The following EBF2 variants were observed in gnomAD, a reference collection of about 807,000 sequenced individuals.
EBF2 encodes EBF transcription factor 2, also known as transcription factor COE2.
EBF2 carries 21 observed loss-of-function variants against 72.8 expected under a neutral mutation model. That is an observed-to-expected ratio of 0.29 (90% CI 0.20 to 0.42). The LOEUF is 0.42. Among genes scored for constraint, EBF2 ranks in the 10% least tolerant of loss-of-function variants. The probability of loss-of-function intolerance (pLI) is 1.00; values close to 1 mark genes in which losing one functional copy is unlikely to be tolerated. For missense variants in EBF2, 637 were observed against 731.2 expected (o/e 0.87, Z 1.49); for synonymous variants, 299 against 274.2 (o/e 1.09, Z -0.89).
rs1170247823 is a variant in EBF2 at position 25,973,972 on chromosome 8, C to G, written c.551+59113G>C. On this transcript the variant is annotated intron_variant, in intron 6 of 15. Transcript: ENST00000520164. Reference sequence around the variant, plus strand: ...GGATTACAGGTGTGAGCCACCACACCCAGCCTAAGCTTTTCATTTCTATTA... The same window carrying G: ...GGATTACAGGTGTGAGCCACCACACGCAGCCTAAGCTTTTCATTTCTATTA... Among the ~76,000 whole-genome samples the G allele has an allele frequency of 2.0e-5, 3 of 152,184 alleles. No homozygotes were observed. The East Asian group carries it at 5.8e-4, about 29-fold the overall frequency.
Position 25,923,581 on chromosome 8 carries a change from T to G in EBF2, c.552-15026A>C, listed in dbSNP as rs1400906208. 2.0e-5 allele frequency among the ~76,000 whole-genome samples: 3 copies of G among 148,542 alleles called. No homozygotes were observed. In the East Asian group the frequency reaches 5.8e-4, roughly 29 times the overall value. The stretch of plus-strand genomic sequence containing the variant: ...AGTGATAAGCCTGCTTCAAGTTTTG[T>G]TTTTTTTGTTGTTGTTTGTTTTGCA... On this transcript the variant is annotated intron_variant, in intron 6 of 15. Coordinates refer to ENST00000520164, the MANE Select transcript of EBF2 (RefSeq NM_022659.4).
chr8:25,973,674 T>C (rs1182894415), intron 6 of EBF2, among the ~76,000 whole-genome samples: 1 of 152,300 alleles, frequency 6.6e-6, no homozygotes, highest in African/African-American at 2.4e-5. Flanking sequence ...GTTTTTCTTT[T>C]GTTTTTCTTT....
rs1042460429 is a variant in EBF2, at chr8:25,887,928, T to C, written c.796A>G (p.Thr266Ala). The C allele has an allele frequency of 6.2e-7, 1 of 1,613,662 alleles. No homozygotes were observed. The highest frequency in any genetic ancestry group is 1.7e-5 in the Admixed American group (1 of 59,938). Residue 266 changes from threonine to alanine, a missense_variant, in exon 9 of 16, where the codon ACA becomes GCA. Transcript: ENST00000520164. The part of the protein sequence containing the change: ...KAISPSEGWT[T>A]GGAMVIIIGD... Reference sequence around the variant, plus strand: ...ATGATGATGACCATGGCTCCTCCTGTGGTCCAGCCTTCACTCGGGCTAATG... The same window carrying C: ...ATGATGATGACCATGGCTCCTCCTGCGGTCCAGCCTTCACTCGGGCTAATG...
Position 25,916,883 on chromosome 8 carries a change from C to T in EBF2, c.552-8328G>A, listed in dbSNP as rs184376032. On this transcript the variant is annotated intron_variant, in intron 6 of 15. Coordinates refer to ENST00000520164, the MANE Select transcript of EBF2 (RefSeq NM_022659.4). ...TGGCATTTCAGTTTGGCAAGAGCTC[C>T]TTCATCACTCAACACACTGCCTTCT... 3.3e-5 allele frequency among the ~76,000 whole-genome samples: 5 copies of T among 152,200 alleles called. No homozygotes were observed. The East Asian group carries it at 7.7e-4, about 23-fold the overall frequency.
chr8:25,876,830 T>A (rs1433773640), intron 10 of EBF2, among the ~76,000 whole-genome samples: 2 of 152,134 alleles, frequency 1.3e-5, no homozygotes, highest in East Asian at 3.9e-4. Flanking sequence ...GAAGTTGAGA[T>A]CCTCATAGAA....
intron 5 of EBF2, among the ~76,000 whole-genome samples, chr8:26,035,941 A>G (rs1407474254): frequency 2.0e-5 from 3 of 151,500 alleles, no homozygotes; most frequent in African/African-American, 7.3e-5. Flanking sequence ...ATGTCAACGT[A>G]ATACCTTTGC....
intron 14 of EBF2, among the ~76,000 whole-genome samples, chr8:25,855,524 C>G (rs1802071373): frequency 6.6e-6 from 1 of 152,168 alleles, no homozygotes; most frequent in Non-Finnish European, 1.5e-5. Flanking sequence ...CTCTTTCTTA[C>G]TTAGTGTCTC....
intron 15 of EBF2, among the ~76,000 whole-genome samples, chr8:25,846,158 C>T (rs982716399): frequency 2.6e-5 from 4 of 152,134 alleles, no homozygotes; most frequent in African/African-American, 9.7e-5. Context: ...AAAGGCGGTT[C>T]AATTCTGGAC....
At chr8:25,880,569 GT>G (rs377760752) in intron 10 of EBF2, among the ~76,000 whole-genome samples, 6 of 152,028 alleles carry the variant, frequency 3.9e-5, no homozygotes, top group South Asian at 2.1e-4. Flanking sequence ...CAAAGTGTTT[GT>G]TTTTTAAATG....
At chr8:25,934,621 T>C (rs907154907) in intron 6 of EBF2, among the ~76,000 whole-genome samples, 1 of 152,136 alleles carries the variant, frequency 6.6e-6, no homozygotes, top group Non-Finnish European at 1.5e-5. Context: ...CATAGGGCCC[T>C]ATTCACCGGT....
chr8:26,037,082 TATTTGGAGAA>T (rs1805514631), intron 5 of EBF2, among the ~76,000 whole-genome samples: 1 of 152,166 alleles, frequency 6.6e-6, no homozygotes, highest in African/African-American at 2.4e-5. Flanking sequence ...TTCTAGTACT[TATTTGGAGAA>T]TCTTTTACTT....
At chr8:25,964,179 AG>A (rs1292634583) in intron 6 of EBF2, among the ~76,000 whole-genome samples, 1 of 152,178 alleles carries the variant, frequency 6.6e-6, no homozygotes, top group African/African-American at 2.4e-5. Context: ...AATTTGAATA[AG>A]AATATCATAC....
At chr8:25,900,799 AAAAT>A (rs1469296095) in intron 7 of EBF2, among the ~76,000 whole-genome samples, 1 of 134,416 alleles carries the variant, frequency 7.4e-6, no homozygotes, top group East Asian at 2.3e-4. Context: ...AATAAAATAA[AAAAT>A]AAAAAAAGTG....
At chr8:25,873,098 G>A (rs1585270192) in intron 10 of EBF2, among the ~76,000 whole-genome samples, 1 of 151,930 alleles carries the variant, frequency 6.6e-6, no homozygotes, top group East Asian at 1.9e-4. Context: ...TTCCTCATGT[G>A]TCCAACATGC....
intron 6 of EBF2, among the ~76,000 whole-genome samples, chr8:25,918,402 T>TTTTAAA (rs1803259291): frequency 6.6e-6 from 1 of 152,192 alleles, no homozygotes; most frequent in African/African-American, 2.4e-5. Context: ...AGCTGCAAAT[T>TTTTAAA]TCTAAATTAA....
intron 6 of EBF2, among the ~76,000 whole-genome samples, chr8:26,014,916 T>C (rs111796298): frequency 1.7e-4 from 26 of 152,342 alleles, no homozygotes; most frequent in African/African-American, 5.1e-4. Context: ...GGCTTGGGAA[T>C]AACCATGACC....
At chr8:25,940,561 G>T (rs1478802044) in intron 6 of EBF2, among the ~76,000 whole-genome samples, 2 of 150,916 alleles carry the variant, frequency 1.3e-5, no homozygotes, top group Non-Finnish European at 2.9e-5. Flanking sequence ...GAGATAGAAA[G>T]CAACCTCTGT....
At position 25,884,348 on chromosome 8, in the gene EBF2, G is replaced by A. The variant is rs118006333; in HGVS notation, c.1009+2407C>T. ...AAACCCAGCCCAAGGGAGCTCCTGCGATGGAGGAGGGAATGTGGATGGAGA... is the reference window on the plus strand; with the variant it reads ...AAACCCAGCCCAAGGGAGCTCCTGCAATGGAGGAGGGAATGTGGATGGAGA... On this transcript the variant is annotated intron_variant, in intron 10 of 15. Coordinates refer to ENST00000520164, the MANE Select transcript of EBF2 (RefSeq NM_022659.4). 3.5e-3 allele frequency among the ~76,000 whole-genome samples: 531 copies of A among 152,224 alleles called. 4 individuals are homozygous for A. The highest frequency in any genetic ancestry group is 5.6e-3 in the Non-Finnish European group (381 of 68,018).
intron 6 of EBF2, among the ~76,000 whole-genome samples, chr8:25,997,434 G>A (rs1314163086): frequency 1.3e-5 from 2 of 151,994 alleles, no homozygotes; most frequent in East Asian, 3.9e-4. Context: ...AACCAAGCAT[G>A]ATGGTGTGCA....
Sources: gnomAD v4.1 joint callset for allele counts (sites outside exome capture counted in the v4.1 genomes callset) on GRCh38, gnomAD v4.1.1 for gene constraint, MANE v1.5 for transcripts, NCBI Gene and HGNC (gene_info 2026-07-23, HGNC 2026-07-21) for gene names.